Variants in PAK3 observed in about 807,000 individuals in gnomAD.
The protein encoded by PAK3 is p21 (RAC1) activated kinase 3.
A neutral mutation model predicts 41.0 loss-of-function variants in PAK3; 4 were observed. The observed-to-expected ratio is 0.10, with a 90% CI of 0.05 to 0.22. The LOEUF (loss-of-function observed/expected upper bound fraction) is 0.22, where lower values mean the gene tolerates loss of function less well. PAK3 is among the 10% of genes least tolerant of loss of function. The pLI is 1.00. For synonymous variants in PAK3, 146 were observed against 139.6 expected (o/e 1.05, Z -0.32); for missense variants, 205 against 409.9 (o/e 0.50, Z 4.32).
chrX:111,007,279 T>C (rs754983083), intron 1 of PAK3, among the ~76,000 whole-genome samples: 1 of 111,368 alleles, frequency 9.0e-6, no homozygotes, highest in African/African-American at 3.3e-5. Flanking sequence ...CAACCTGCCC[T>C]GTGGGAGTCA....
chrX:110,946,952 AT>A (rs962128289), intron 1 of PAK3, among the ~76,000 whole-genome samples: 6 of 112,366 alleles, frequency 5.3e-5, no homozygotes, highest in African/African-American at 1.9e-4. Context: ...TAAAATGGAT[AT>A]ATAATAACTG....
chrX:111,204,026 T>C (rs2094712286), intron 16 of PAK3, among the ~76,000 whole-genome samples: 1 of 111,710 alleles, frequency 9.0e-6, no homozygotes, highest in Non-Finnish European at 1.9e-5. Flanking sequence ...GAGGGGGAAG[T>C]TGGGATCACT....
rs771252823 is a variant in PAK3 at position 111,219,330 on chromosome X, G to A, written c.1546-1028G>A. ...GAAGAGGAAGACAAAAGTGACTTCA[G>A]GCTATCAAGTCAATGGTAGCATTCA... is the stretch of plus-strand genomic sequence containing the variant. On this transcript the variant is annotated intron_variant, in intron 17 of 17. Coordinates refer to ENST00000372007, the MANE Select transcript of PAK3 (RefSeq NM_002578.5). Among the ~76,000 whole-genome samples, 159 of 109,969 alleles carry A rather than the reference G, an allele frequency of 1.4e-3. 1 individual carries two copies. Among genetic ancestry groups the A allele is most frequent in the Middle Eastern group, 9.8e-3 (2 of 205 alleles).
intron 4 of PAK3, among the ~76,000 whole-genome samples, chrX:111,119,051 T>A (rs756878743): frequency 2.7e-5 from 3 of 111,226 alleles, no homozygotes; most frequent in Non-Finnish European, 5.7e-5. Context: ...TGTGTGTACA[T>A]GCCTTCAAAC....
intron 1 of PAK3, among the ~76,000 whole-genome samples, chrX:110,949,893 A>G (rs2090705817): frequency 9.0e-6 from 1 of 111,697 alleles, no homozygotes; most frequent in African/African-American, 3.3e-5. Context: ...AAGGATGGCA[A>G]TCATGCCATA....
chrX:111,129,471 T>A (rs968115336), intron 5 of PAK3, among the ~76,000 whole-genome samples: 4 of 111,369 alleles, frequency 3.6e-5, no homozygotes, highest in African/African-American at 1.3e-4. Context: ...ATCTTGCTTG[T>A]CCTCTAGGGT....
chrX:110,947,457 C>T (rs768261945), intron 1 of PAK3, among the ~76,000 whole-genome samples: 2 of 111,363 alleles, frequency 1.8e-5, no homozygotes, highest in South Asian at 3.8e-4. Flanking sequence ...AGTTACTAGA[C>T]AGTGTTTTTT....
intron 1 of PAK3, among the ~76,000 whole-genome samples, chrX:110,955,182 A>G (rs1231505788): frequency 2.7e-5 from 3 of 112,330 alleles, no homozygotes; most frequent in Non-Finnish European, 3.8e-5. Context: ...TTTCCAGACT[A>G]TACGTATGGG....
At chrX:111,120,959 A>G (rs1177513946) in intron 4 of PAK3, among the ~76,000 whole-genome samples, 1 of 112,122 alleles carries the variant, frequency 8.9e-6, no homozygotes, top group East Asian at 2.8e-4. Flanking sequence ...CCACTGGTGA[A>G]GTCAGTCTTA....
At chrX:110,957,928 C>T (rs2148606328) in intron 1 of PAK3, among the ~76,000 whole-genome samples, 1 of 111,586 alleles carries the variant, frequency 9.0e-6, no homozygotes, top group Admixed American at 9.5e-5. Flanking sequence ...AGGAGACAAA[C>T]ATTAAACAAA....
rs7051707 is a variant in PAK3 at position 111,132,104 on chromosome X, G to T, written c.175+8826G>T. 5.0e-3 allele frequency among the ~76,000 whole-genome samples: 551 copies of T among 110,564 alleles called. 4 individuals carry two copies. Among genetic ancestry groups the T allele is most frequent in the Admixed American group, 0.014 (147 of 10,389 alleles). ...AACATTTTGTAAATGACTTGTTTGGGGCACTAACTGACAGCCTTTTAGTAA... is the reference window on the plus strand; with the variant it reads ...AACATTTTGTAAATGACTTGTTTGGTGCACTAACTGACAGCCTTTTAGTAA... On this transcript the variant is annotated intron_variant, in intron 5 of 17. Coordinates refer to ENST00000372007, the MANE Select transcript of PAK3 (RefSeq NM_002578.5).
intron 4 of PAK3, among the ~76,000 whole-genome samples, chrX:111,109,123 C>T (rs1320936219): frequency 4.5e-5 from 5 of 111,354 alleles, no homozygotes; most frequent in Admixed American, 1.9e-4. Context: ...ATTACTTATC[C>T]CCCTTAAGCC....
intron 8 of PAK3, among the ~76,000 whole-genome samples, chrX:111,154,284 A>T (rs1172511535): frequency 9.0e-6 from 1 of 111,535 alleles, no homozygotes; most frequent in Non-Finnish European, 1.9e-5. Flanking sequence ...TTAAGATGGT[A>T]AATTTTATGT....
intron 1 of PAK3, among the ~76,000 whole-genome samples, chrX:111,038,201 T>C (rs956866472): frequency 1.2e-4 from 14 of 112,173 alleles, no homozygotes; most frequent in African/African-American, 3.6e-4. Flanking sequence ...CAATGTATTA[T>C]ATGTTGGGGG....
intron 1 of PAK3, among the ~76,000 whole-genome samples, chrX:111,072,085 T>C (rs1271689649): frequency 1.8e-5 from 2 of 112,213 alleles, no homozygotes; most frequent in Non-Finnish European, 3.8e-5. Flanking sequence ...TACACTGTAC[T>C]GGAAATTTCA....
At chrX:110,952,665 C>A (rs1414596862) in intron 1 of PAK3, among the ~76,000 whole-genome samples, 1 of 110,961 alleles carries the variant, frequency 9.0e-6, no homozygotes, top group African/African-American at 3.3e-5. Context: ...TTATTGTCCC[C>A]AAAGGAATAA....
chrX:111,175,043 T>C (rs2094390577), intron 11 of PAK3, among the ~76,000 whole-genome samples: 1 of 111,659 alleles, frequency 9.0e-6, no homozygotes, highest in African/African-American at 3.3e-5. Context: ...TCTTCATGCC[T>C]AAAGGGTAAA....
intron 5 of PAK3, among the ~76,000 whole-genome samples, chrX:111,141,659 T>C (rs751689905): frequency 1.8e-5 from 2 of 112,250 alleles, no homozygotes; most frequent in Non-Finnish European, 3.8e-5. Flanking sequence ...TTATTAGCTA[T>C]CGTTAACATA....
chrX:110,966,190 G>A (rs956987027), intron 1 of PAK3, among the ~76,000 whole-genome samples: 5 of 111,844 alleles, frequency 4.5e-5, no homozygotes, highest in South Asian at 7.5e-4. Flanking sequence ...AATGGAAAGA[G>A]TAATAGTCTT....
Sources: gnomAD v4.1 joint callset for allele counts (sites outside exome capture counted in the v4.1 genomes callset) on GRCh38, gnomAD v4.1.1 for gene constraint, MANE v1.5 for transcripts, NCBI Gene and HGNC (gene_info 2026-07-23, HGNC 2026-07-21) for gene names.